Variants in BMPR1B observed in about 807,000 individuals in gnomAD.
BMPR1B encodes the protein bone morphogenetic protein receptor type 1B, also known as bone morphogenetic protein receptor type-1B.
BMPR1B carries 12 observed loss-of-function variants against 59.1 expected under a neutral mutation model. That is an observed-to-expected ratio of 0.20 (90% CI 0.13 to 0.33). The LOEUF (loss-of-function observed/expected upper bound fraction) is 0.33, where lower values mean the gene tolerates loss of function less well. Ranked by LOEUF, BMPR1B falls within the 10% of genes least tolerant of loss-of-function variation. The probability of loss-of-function intolerance (pLI) is 1.00; values close to 1 mark genes in which losing one functional copy is unlikely to be tolerated. For missense variants in BMPR1B, 550 were observed against 610.9 expected, an observed-to-expected ratio of 0.90 and a Z score of 1.05; for synonymous variants, 237 against 207.3, an observed-to-expected ratio of 1.14 and a Z score of -1.23.
chr4:94,783,872 G>A (rs1164927353), intron 1 of BMPR1B, among the ~76,000 whole-genome samples: 1 of 152,110 alleles, frequency 6.6e-6, no homozygotes, highest in East Asian at 1.9e-4. Flanking sequence ...GAGAAGTGCT[G>A]GTGGCCCCTC....
intron 1 of BMPR1B, among the ~76,000 whole-genome samples, chr4:94,785,178 T>A (rs1722719618): frequency 1.3e-5 from 2 of 152,192 alleles, no homozygotes; most frequent in African/African-American, 4.8e-5. Flanking sequence ...ACCTTATAGT[T>A]GTTTTCCTTC....
intron 3 of BMPR1B, among the ~76,000 whole-genome samples, chr4:95,069,066 A>G (rs764434296): frequency 7.9e-5 from 12 of 152,234 alleles, no homozygotes; most frequent in Non-Finnish European, 1.6e-4. Flanking sequence ...AGGAAATGAC[A>G]TTAAGGACTT....
At chr4:95,013,480 A>G (rs1371203475) in intron 3 of BMPR1B, among the ~76,000 whole-genome samples, 2 of 152,126 alleles carry the variant, frequency 1.3e-5, no homozygotes, top group African/African-American at 2.4e-5. Flanking sequence ...CAGGCTAGCT[A>G]TTTGTACTCT....
At chr4:94,892,089 C>T (rs1727420072) in intron 2 of BMPR1B, among the ~76,000 whole-genome samples, 1 of 152,034 alleles carries the variant, frequency 6.6e-6, no homozygotes. Context: ...CACATAAACT[C>T]GTAATTGCTC....
chr4:94,831,595 T>A (rs1449763523), intron 1 of BMPR1B, among the ~76,000 whole-genome samples: 1 of 152,102 alleles, frequency 6.6e-6, no homozygotes, highest in Non-Finnish European at 1.5e-5. Flanking sequence ...ATGGTACAGT[T>A]TTGCCTTTAT....
intron 1 of BMPR1B, among the ~76,000 whole-genome samples, chr4:94,798,120 A>C (rs1723264660): frequency 6.6e-6 from 1 of 152,224 alleles, no homozygotes; most frequent in African/African-American, 2.4e-5. Context: ...GTTGTGACTC[A>C]ACTAGGATCA....
At chr4:94,810,203 C>G (rs184163491) in intron 1 of BMPR1B, among the ~76,000 whole-genome samples, 297 of 152,198 alleles carry the variant, frequency 2.0e-3, no homozygotes, top group Non-Finnish European at 3.4e-3. Context: ...GCTTTCAAGC[C>G]CATCGAAGTA....
chr4:95,014,699 C>G (rs1723460904), intron 3 of BMPR1B, among the ~76,000 whole-genome samples: 1 of 152,090 alleles, frequency 6.6e-6, no homozygotes, highest in African/African-American at 2.4e-5. Flanking sequence ...TTAATATCAT[C>G]TTTTATACGT....
chr4:94,781,583 T>G (rs1198920936), intron 1 of BMPR1B, among the ~76,000 whole-genome samples: 1 of 152,068 alleles, frequency 6.6e-6, no homozygotes, highest in Non-Finnish European at 1.5e-5. Context: ...GGCTAATTTT[T>G]GTATTTTTAG....
intron 2 of BMPR1B, among the ~76,000 whole-genome samples, chr4:94,934,703 T>C (rs1342229272): frequency 2.0e-5 from 3 of 151,510 alleles, no homozygotes; most frequent in African/African-American, 7.3e-5. Context: ...TTTGTGTGCT[T>C]TCTGTATCAA....
intron 2 of BMPR1B, among the ~76,000 whole-genome samples, chr4:94,930,817 A>G (rs1393652384): frequency 2.6e-5 from 4 of 152,090 alleles, no homozygotes; most frequent in Admixed American, 6.6e-5. Context: ...ATATGCAAAA[A>G]TTTTCAAGGC....
chr4:94,918,918 T>C (rs1728586587), intron 2 of BMPR1B, among the ~76,000 whole-genome samples: 1 of 152,114 alleles, frequency 6.6e-6, no homozygotes, highest in Non-Finnish European at 1.5e-5. Context: ...TATTTATTTA[T>C]TTATTTTTTG....
At chr4:95,080,749 A>G (rs1247020182) in intron 3 of BMPR1B, among the ~76,000 whole-genome samples, 2 of 152,198 alleles carry the variant, frequency 1.3e-5, no homozygotes, top group Non-Finnish European at 2.9e-5. Context: ...AGTGAAAACA[A>G]CCAACCAAAC....
Position 94,779,677 on chromosome 4 carries a change from A to T in BMPR1B, c.-183+21609A>T, listed in dbSNP as rs569479958. Among the ~76,000 whole-genome samples, 5 of 152,186 alleles carry T rather than the reference A, an allele frequency of 3.3e-5. No homozygotes were observed. The South Asian group carries it at 1.0e-3, about 32-fold the overall frequency. On this transcript the variant is annotated intron_variant, in intron 1 of 12. Transcript: ENST00000515059. The stretch of plus-strand genomic sequence containing the variant: ...GAAACCCTGTCTTTACTAAAAATAC[A>T]AGAAATTAGCCCGGTGTGGTGGCAC...
intron 2 of BMPR1B, among the ~76,000 whole-genome samples, chr4:94,933,061 TTTTC>T (rs1360932658): frequency 6.6e-6 from 1 of 152,120 alleles, no homozygotes; most frequent in African/African-American, 2.4e-5. Context: ...GTATCTTTCT[TTTTC>T]TTTGAGTGTG....
At chr4:95,121,243 A>G (rs1732504125) in intron 6 of BMPR1B, among the ~76,000 whole-genome samples, 1 of 152,252 alleles carries the variant, frequency 6.6e-6, no homozygotes, top group African/African-American at 2.4e-5. Flanking sequence ...GACCTCTACA[A>G]GGAGAACTAC....
chr4:94,983,366 A>T (rs988511254), intron 2 of BMPR1B, among the ~76,000 whole-genome samples: 4 of 152,184 alleles, frequency 2.6e-5, no homozygotes, highest in African/African-American at 9.6e-5. Context: ...AACGCTTAAA[A>T]CTAAGCCTAC....
chr4:94,837,473 C>G (rs1339015590), intron 1 of BMPR1B, among the ~76,000 whole-genome samples: 1 of 144,296 alleles, frequency 6.9e-6, no homozygotes, highest in Non-Finnish European at 1.5e-5. Context: ...AGGTCCTTCA[C>G]ATCCCTTGGA....
chr4:94,819,837 C>T (rs1217945790), intron 1 of BMPR1B, among the ~76,000 whole-genome samples: 12 of 152,154 alleles, frequency 7.9e-5, no homozygotes, highest in Admixed American at 6.5e-4. Flanking sequence ...GTAGTACCTT[C>T]GTAGTGGAAC....
Sources: allele counts gnomAD v4.1 joint callset (sites outside exome capture counted in the v4.1 genomes callset), GRCh38; gene constraint gnomAD v4.1.1; transcripts MANE v1.5; gene names NCBI Gene and HGNC (gene_info 2026-07-23, HGNC 2026-07-21).